MVB12B: variants seen among roughly 807,000 people sequenced by gnomAD.
MVB12B encodes the protein ESCRT-I complex subunit MVB12B.
Under a neutral mutation model 41.6 loss-of-function variants are expected in MVB12B, and 16 were observed. That is an observed-to-expected ratio of 0.38 (90% CI 0.26 to 0.58). The LOEUF is 0.58. Among genes scored for constraint, MVB12B ranks in the 20% least tolerant of loss-of-function variants. MVB12B has a pLI of 0.62. For missense variants in MVB12B, 274 were observed against 380.2 expected (o/e 0.72, Z 2.32); for synonymous variants, 133 against 139.7 (o/e 0.95, Z 0.34).
chr9:126,386,782 G>A lies in MVB12B; in HGVS notation c.409+124G>A, dbSNP rs927617220. On this transcript the variant is annotated intron_variant, in intron 4 of 9. Transcript: ENST00000361171. This position sits in a 1 kb window ranked among gnomAD's most constrained non-coding sequence, Gnocchi z 4.3. The stretch of plus-strand genomic sequence containing the variant: ...TTTGGAGGCCTTACTACATGCCCAT[G>A]AACAAACCCTGCTGCTTTTGATGTG... 2.1e-5 allele frequency: 14 copies of A among 674,500 alleles called. No homozygotes were observed. Among genetic ancestry groups the A allele is most frequent in the Admixed American group, 9.2e-5 (4 of 43,384 alleles). 41.8% of individuals were successfully genotyped at this position (674,500 alleles called of 1,614,324 possible). A position where few individuals can be genotyped will look rare whatever the true frequency, so the allele number is the denominator to read the frequency against.
intron 2 of MVB12B, among the ~76,000 whole-genome samples, chr9:126,378,122 C>T (rs2118951613): frequency 6.6e-6 from 1 of 152,338 alleles, no homozygotes; most frequent in Non-Finnish European, 1.5e-5. Context: ...TCCTCCACCC[C>T]ACACCCCACC....
In MVB12B at chr9:126,340,056, G is replaced by A. The variant is rs901533863; in HGVS notation, c.82-452G>A. On this transcript the variant is annotated intron_variant, in intron 1 of 9. Coordinates refer to ENST00000361171, the MANE Select transcript of MVB12B (RefSeq NM_033446.3). The surrounding 1 kb of genome is among the most constrained non-coding windows in gnomAD (Gnocchi z 4.0). ...TCCTTGCTTCTTTGCAAAGCTCTGCGTGCTGAAGGCCTAACCTTGGCTGTG... is the reference window on the plus strand; with the variant it reads ...TCCTTGCTTCTTTGCAAAGCTCTGCATGCTGAAGGCCTAACCTTGGCTGTG... Among the ~76,000 whole-genome samples the A allele has an allele frequency of 4.6e-5, 7 of 152,144 alleles. No individual in the cohort carries two copies. Among genetic ancestry groups the A allele is most frequent in the East Asian group, 1.9e-4 (1 of 5,194 alleles).
At chr9:126,489,826 C>T (rs970627507) in intron 9 of MVB12B, among the ~76,000 whole-genome samples, 2 of 152,172 alleles carry the variant, frequency 1.3e-5, no homozygotes, top group Non-Finnish European at 2.9e-5. Context: ...ATTTTTACCT[C>T]ATCGTCCCTC....
At chr9:126,437,844 A>AT (rs1229880362) in intron 7 of MVB12B, among the ~76,000 whole-genome samples, 2 of 151,892 alleles carry the variant, frequency 1.3e-5, no homozygotes, top group African/African-American at 2.4e-5. Flanking sequence ...TTTTCACACC[A>AT]TTTTTTTTGT....
chr9:126,381,073 A>C lies in MVB12B; in HGVS notation c.214A>C (p.Thr72Pro). Reference protein sequence around the residue: ...APTGYDVVAQTADGVDADLWK... With the variant: ...APTGYDVVAQPADGVDADLWK... ...TGTCTCTCCGGTGTAGGTTGCACAG[A>C]CAGCAGATGGTGTGGATGCTGACCT... Residue 72 changes from threonine to proline, a missense_variant, in exon 3 of 10, where the codon ACA becomes CCA. Coordinates refer to ENST00000361171, the MANE Select transcript of MVB12B (RefSeq NM_033446.3). The C allele has an allele frequency of 6.2e-7, 1 of 1,614,038 alleles. No homozygotes were observed. The highest frequency in any genetic ancestry group is 8.5e-7 in the Non-Finnish European group (1 of 1,179,944).
At chr9:126,338,182 C>CG (rs763587788) in intron 1 of MVB12B, among the ~76,000 whole-genome samples, 677 of 152,336 alleles carry the variant, frequency 4.4e-3, no homozygotes, top group Middle Eastern at 0.02. Flanking sequence ...GGCACAGCAG[C>CG]TGGGGGGAAG....
chr9:126,423,575 C>T (rs987653916), intron 7 of MVB12B, among the ~76,000 whole-genome samples: 1 of 152,232 alleles, frequency 6.6e-6, no homozygotes, highest in African/African-American at 2.4e-5. Flanking sequence ...GTTGAGGCTA[C>T]AGCCCACGGC....
intron 6 of MVB12B, among the ~76,000 whole-genome samples, chr9:126,411,774 T>G (rs1198963497): frequency 6.6e-6 from 1 of 151,972 alleles, no homozygotes; most frequent in African/African-American, 2.4e-5. Context: ...GAGCCTAGAG[T>G]GATTAAAATA....
chr9:126,418,911 A>G (rs2119081718), intron 6 of MVB12B, among the ~76,000 whole-genome samples: 1 of 152,256 alleles, frequency 6.6e-6, no homozygotes, highest in East Asian at 1.9e-4. Context: ...TCACACTTGT[A>G]AGCAAGTGTT....
In MVB12B at chr9:126,503,283, G is replaced by C. The variant is rs756130123; in HGVS notation, c.*20G>C. The C allele has an allele frequency of 1.3e-6, 2 of 1,545,942 alleles. No individual in the cohort carries two copies. The highest frequency in any genetic ancestry group is 2.7e-5 in the African/African-American group (2 of 72,950). On this transcript the variant is annotated 3_prime_UTR_variant, in exon 10 of 10. Coordinates refer to ENST00000361171, the MANE Select transcript of MVB12B (RefSeq NM_033446.3). ...TCCTGAGGAGCCAGCGGCCACCTGC[G>C]GGGAGACCACCGCCGCCCAGACTAC... is the stretch of plus-strand genomic sequence containing the variant.
At chr9:126,343,076 G>C (rs79670519) in intron 2 of MVB12B, among the ~76,000 whole-genome samples, 166 of 152,366 alleles carry the variant, frequency 1.1e-3, no homozygotes, top group African/African-American at 3.4e-3. Context: ...TCCCATTGCT[G>C]CTTGAGGTAA....
rs1007759754 is a variant in MVB12B, at chr9:126,391,549, G to T, written c.410-517G>T. Among the ~76,000 whole-genome samples, 1 of 152,194 alleles carries T rather than the reference G, an allele frequency of 6.6e-6. No individual in the cohort carries two copies. Among genetic ancestry groups the T allele is most frequent in the Non-Finnish European group, 1.5e-5 (1 of 68,032 alleles). ...ATTGATGGTGACATAACGTAGTGTC[G>T]TCAGGGATTCATTTTAAATATCCAG... On this transcript the variant is annotated intron_variant, in intron 4 of 9. Coordinates refer to ENST00000361171, the MANE Select transcript of MVB12B (RefSeq NM_033446.3). The surrounding 1 kb of genome is among the most constrained non-coding windows in gnomAD (Gnocchi z 4.4).
At position 126,367,908 on chromosome 9, in the gene MVB12B, G is replaced by A. The variant is rs1564292623; in HGVS notation, c.205-13156G>A. 6.6e-6 allele frequency among the ~76,000 whole-genome samples: 1 copy of A among 152,182 alleles called. No homozygotes were observed. The highest frequency in any genetic ancestry group is 2.4e-5 in the African/African-American group (1 of 41,438). On this transcript the variant is annotated intron_variant, in intron 2 of 9. Coordinates refer to ENST00000361171, the MANE Select transcript of MVB12B (RefSeq NM_033446.3). The surrounding 1 kb of genome is among the most constrained non-coding windows in gnomAD (Gnocchi z 4.3). ...GGGAGCCATCCTCGGAGGGAGGGGAGGGAGTGCCTGACATATCATAAATGG... is the reference window on the plus strand; with the variant it reads ...GGGAGCCATCCTCGGAGGGAGGGGAAGGAGTGCCTGACATATCATAAATGG...
At chr9:126,329,512 A>C (rs1478752532) in intron 1 of MVB12B, among the ~76,000 whole-genome samples, 1 of 152,220 alleles carries the variant, frequency 6.6e-6, no homozygotes, top group African/African-American at 2.4e-5. Context: ...ATGTGAGCAC[A>C]CTGCTGGATG....
At chr9:126,465,283 C>T (rs12238735) in intron 7 of MVB12B, among the ~76,000 whole-genome samples, 1 of 152,218 alleles carries the variant, frequency 6.6e-6, no homozygotes, top group Admixed American at 6.5e-5. Flanking sequence ...TAAACATCTT[C>T]TAGCCCAGGG....
chr9:126,421,425 G>C (rs1832014561), intron 6 of MVB12B, among the ~76,000 whole-genome samples: 1 of 152,216 alleles, frequency 6.6e-6, no homozygotes, highest in Non-Finnish European at 1.5e-5. Flanking sequence ...GTGATCCTCA[G>C]CAGCCCTGCG....
chr9:126,480,534 C>A lies in MVB12B; in HGVS notation c.758-835C>A, dbSNP rs189999779. Among the ~76,000 whole-genome samples, 332 of 152,234 alleles carry A rather than the reference C, an allele frequency of 2.2e-3. No individual in the cohort carries two copies. Among genetic ancestry groups the A allele is most frequent in the Admixed American group, 3.4e-3 (52 of 15,304 alleles). ...TTGAAAGCGATCCCCTGGGACAGGGCGGAGGGAGGGGTGGCCACAGAAAAG... is the reference window on the plus strand; with the variant it reads ...TTGAAAGCGATCCCCTGGGACAGGGAGGAGGGAGGGGTGGCCACAGAAAAG... On this transcript the variant is annotated intron_variant, in intron 7 of 9. Coordinates refer to ENST00000361171, the MANE Select transcript of MVB12B (RefSeq NM_033446.3). The surrounding 1 kb of genome is among the most constrained non-coding windows in gnomAD (Gnocchi z 4.9).
At chr9:126,341,899 G>A (rs1006975365) in intron 2 of MVB12B, among the ~76,000 whole-genome samples, 12 of 152,156 alleles carry the variant, frequency 7.9e-5, no homozygotes, top group African/African-American at 2.9e-4. Context: ...GCTGGGTCCT[G>A]GGTAAGGAAG....
chr9:126,342,838 C>T (rs993532029), intron 2 of MVB12B, among the ~76,000 whole-genome samples: 4 of 152,228 alleles, frequency 2.6e-5, no homozygotes, highest in African/African-American at 7.2e-5. Context: ...AAGTGCAAGG[C>T]GCTCTGTGGT....
Sources: gnomAD v4.1 joint callset for allele counts (sites outside exome capture counted in the v4.1 genomes callset) on GRCh38, gnomAD v4.1.1 for gene constraint, Gnocchi (gnomAD v3.1) non-coding constraint, MANE v1.5 for transcripts, NCBI Gene and HGNC (gene_info 2026-07-23, HGNC 2026-07-21) for gene names.